The following SH2D4B variants were observed in gnomAD, a reference collection of about 807,000 sequenced individuals.
SH2D4B encodes the protein SH2 domain containing 4B.
SH2D4B carries 45 observed loss-of-function variants against 61.5 expected under a neutral mutation model. The ratio of observed to expected loss-of-function variants is 0.73; its 90% CI spans 0.58 to 0.94. The LOEUF is 0.94. Among genes scored for constraint, SH2D4B ranks in the 40% least tolerant of loss-of-function variants. SH2D4B has a pLI of 0.00. For missense variants in SH2D4B, 572 were observed against 574.2 expected (o/e 1.00, Z 0.04); for synonymous variants, 224 against 220.4 (o/e 1.02, Z -0.14).
At chr10:80,627,880 G>T (rs1246065616) in intron 6 of SH2D4B, among the ~76,000 whole-genome samples, 6 of 152,180 alleles carry the variant, frequency 3.9e-5, no homozygotes, top group African/African-American at 1.4e-4. Context: ...CTGGGAATGA[G>T]AACTGGCTCA....
intron 3 of SH2D4B, among the ~76,000 whole-genome samples, chr10:80,587,135 TTTTTTTTTTTG>T (rs1842265222): frequency 1.5e-5 from 1 of 66,914 alleles, no homozygotes; most frequent in Non-Finnish European, 2.4e-5. Flanking sequence ...GCCACGTTTT[TTTTTTTTTTTG>T]TTTTGTTTTT....
intron 4 of SH2D4B, 95 bp downstream of exon 4, chr10:80,588,872 C>T (rs928588152): frequency 1.4e-6 from 2 of 1,454,228 alleles, no homozygotes; most frequent in African/African-American, 2.8e-5. Context: ...TTTCCATTCG[C>T]TCACTCACCC....
At position 80,645,268 on chromosome 10, in the gene SH2D4B, GCCTCA is replaced by G. The variant is rs1840379155; in HGVS notation, c.*1187_*1191del. The G allele has an allele frequency of 6.6e-6, 1 of 152,170 alleles. No individual in the cohort carries two copies. Among genetic ancestry groups the G allele is most frequent in the Admixed American group, 6.5e-5 (1 of 15,272 alleles). 9.4% of individuals were successfully genotyped at this position (152,170 alleles called of 1,614,324 possible). On this transcript the variant is annotated 3_prime_UTR_variant, in exon 8 of 8. Transcript: ENST00000646907. ...ACATCTATGCCCCACTTCTTCTCTT[GCCTCA>G]CCTATTCCTTAGATTCTTGGTCACT...
chr10:80,606,689 G>C (rs1842523883), intron 5 of SH2D4B, among the ~76,000 whole-genome samples: 1 of 152,102 alleles, frequency 6.6e-6, no homozygotes, highest in Non-Finnish European at 1.5e-5. Context: ...TTAACAACTG[G>C]CTTAGAAAAT....
chr10:80,634,625 CAG>C, intron 7 of SH2D4B, 120 bp downstream of exon 7: 7 of 1,417,340 alleles, frequency 4.9e-6, no homozygotes, highest in Non-Finnish European at 6.6e-6. Flanking sequence ...TGGAGGGTCT[CAG>C]AGATGTAGAG....
intron 1 of SH2D4B, among the ~76,000 whole-genome samples, chr10:80,556,804 T>C (rs1369615589): frequency 6.6e-6 from 1 of 152,202 alleles, no homozygotes; most frequent in Non-Finnish European, 1.5e-5. Flanking sequence ...TTTTGGTAGA[T>C]TCTTTGAGAT....
At chr10:80,553,944 C>A (rs1194061026) in intron 1 of SH2D4B, among the ~76,000 whole-genome samples, 1 of 152,156 alleles carries the variant, frequency 6.6e-6, no homozygotes, top group East Asian at 1.9e-4. Flanking sequence ...ACTCATGAGT[C>A]TCTGAGCCTA....
At chr10:80,615,623 C>G (rs1026803850) in intron 6 of SH2D4B, among the ~76,000 whole-genome samples, 1 of 152,228 alleles carries the variant, frequency 6.6e-6, no homozygotes, top group African/African-American at 2.4e-5. Flanking sequence ...TTTGGGATTA[C>G]TCCCAGGAAC....
intron 6 of SH2D4B, among the ~76,000 whole-genome samples, chr10:80,629,669 G>A (rs1842808152): frequency 6.6e-6 from 1 of 152,188 alleles, no homozygotes; most frequent in Admixed American, 6.5e-5. Flanking sequence ...AATACTTAGT[G>A]CATCCAATGC....
intron 4 of SH2D4B, among the ~76,000 whole-genome samples, chr10:80,591,782 G>A (rs1241129111): frequency 6.6e-6 from 1 of 152,058 alleles, no homozygotes; most frequent in Non-Finnish European, 1.5e-5. Flanking sequence ...ATTACAGTGT[G>A]AGCCACCATG....
intron 4 of SH2D4B, among the ~76,000 whole-genome samples, chr10:80,591,780 GT>G (rs1441824311): frequency 3.9e-5 from 6 of 152,064 alleles, no homozygotes; most frequent in Admixed American, 3.9e-4. Context: ...GGATTACAGT[GT>G]GAGCCACCAT....
intron 6 of SH2D4B, among the ~76,000 whole-genome samples, chr10:80,630,331 C>T (rs1056257485): frequency 5.9e-5 from 9 of 152,184 alleles, no homozygotes; most frequent in African/African-American, 2.2e-4. Context: ...ATGCTGCTCC[C>T]AGCAACAGGT....
chr10:80,606,492 G>A (rs1023579922), intron 5 of SH2D4B, among the ~76,000 whole-genome samples: 3 of 151,898 alleles, frequency 2.0e-5, no homozygotes, highest in Non-Finnish European at 4.4e-5. Context: ...GATTACAGGC[G>A]CGCGCCAGTA....
intron 1 of SH2D4B, among the ~76,000 whole-genome samples, chr10:80,560,357 T>C (rs991719127): frequency 1.2e-4 from 18 of 151,796 alleles, no homozygotes; most frequent in African/African-American, 4.4e-4. Flanking sequence ...ATAGGAATTA[T>C]TTATATATTC....
intron 1 of SH2D4B, among the ~76,000 whole-genome samples, chr10:80,559,743 T>C (rs1219459070): frequency 6.6e-6 from 1 of 150,668 alleles, no homozygotes; most frequent in Admixed American, 6.6e-5. Flanking sequence ...GCTCAAAGGA[T>C]CCTCCTGCCT....
intron 3 of SH2D4B, among the ~76,000 whole-genome samples, chr10:80,587,134 TTTTTTTTTTTTG>T (rs1842265128): frequency 1.2e-5 from 1 of 86,148 alleles, no homozygotes; most frequent in Non-Finnish European, 2.4e-5. Context: ...GGCCACGTTT[TTTTTTTTTTTTG>T]TTTTGTTTTT....
chr10:80,614,296 C>T lies in SH2D4B; in HGVS notation c.988+4745C>T, dbSNP rs576154993. Among the ~76,000 whole-genome samples, 7 of 152,282 alleles carry T rather than the reference C, an allele frequency of 4.6e-5. No homozygotes were observed. The South Asian group carries it at 8.3e-4, about 18-fold the overall frequency. ...GGGAGCTTTTACTCGTGGCAGAAGG[C>T]GAAGCTGGAGCAGGCATGTCATGTG... On this transcript the variant is annotated intron_variant, in intron 6 of 7. Transcript: ENST00000646907.
chr10:80,552,908 TTG>T (rs1564766385), intron 1 of SH2D4B, among the ~76,000 whole-genome samples: 2 of 149,368 alleles, frequency 1.3e-5, no homozygotes, highest in African/African-American at 4.9e-5. Flanking sequence ...TCTCTCTCTC[TTG>T]CTCTCTCTCT....
chr10:80,616,117 G>A (rs1229171670), intron 6 of SH2D4B, among the ~76,000 whole-genome samples: 1 of 152,122 alleles, frequency 6.6e-6, no homozygotes, highest in Admixed American at 6.5e-5. Context: ...AAAAAAAAGT[G>A]CAAGTCTGAA....
Sources: gnomAD v4.1 joint callset for allele counts (sites outside exome capture counted in the v4.1 genomes callset) on GRCh38, gnomAD v4.1.1 for gene constraint, MANE v1.5 for transcripts, NCBI Gene and HGNC (gene_info 2026-07-23, HGNC 2026-07-21) for gene names.